The following PKP4 variants were observed in gnomAD, a reference collection of about 807,000 sequenced individuals.
PKP4 encodes plakophilin-4.
Under a neutral mutation model 145.1 loss-of-function variants are expected in PKP4, and 90 were observed. The ratio of observed to expected loss-of-function variants is 0.62; its 90% CI spans 0.52 to 0.74. The LOEUF (loss-of-function observed/expected upper bound fraction) is 0.74, where lower values mean the gene tolerates loss of function less well. PKP4 is among the 30% of genes least tolerant of loss of function. The pLI, the probability that PKP4 is intolerant of heterozygous loss-of-function variation, is 0.00. For missense variants in PKP4, 1,340 were observed against 1,482.7 expected, an observed-to-expected ratio of 0.90 and a Z score of 1.58; for synonymous variants, 563 against 577.2, an observed-to-expected ratio of 0.98 and a Z score of 0.35.
At chr2:158,660,504 G>A (rs1311316437) in intron 12 of PKP4, 1 of 152,620 alleles carries the variant, frequency 6.6e-6, no homozygotes, top group African/African-American at 2.4e-5. Context: ...GCTGCGGAGA[G>A]GCAGGGCAGA....
chr2:158,640,589 T>C, intron 9 of PKP4, 38 bp from the exon 10 acceptor site: 1 of 1,608,500 alleles, frequency 6.2e-7, no homozygotes, highest in Non-Finnish European at 8.5e-7. Context: ...TTTTACAACA[T>C]GGGCCTTCCT....
chr2:158,501,457 A>G (rs774465770), intron 1 of PKP4, among the ~76,000 whole-genome samples: 4 of 152,184 alleles, frequency 2.6e-5, no homozygotes, highest in Non-Finnish European at 4.4e-5. Flanking sequence ...GCTTTTGTGC[A>G]TCTTCACAGA....
At chr2:158,634,351 A>G in intron 9 of PKP4, 62 bp downstream of exon 9, 1 of 1,366,574 alleles carries the variant, frequency 7.3e-7, no homozygotes, top group Non-Finnish European at 1.0e-6. Context: ...CAGTTCCTCC[A>G]TTTTGACTTT....
At chr2:158,589,561 C>T (rs750714796) in intron 3 of PKP4, among the ~76,000 whole-genome samples, 2 of 152,112 alleles carry the variant, frequency 1.3e-5, no homozygotes, top group Non-Finnish European at 2.9e-5. Context: ...TATTTCTATT[C>T]CTGGTCTTTC....
At chr2:158,554,898 A>C (rs532506470) in intron 2 of PKP4, among the ~76,000 whole-genome samples, 1 of 152,358 alleles carries the variant, frequency 6.6e-6, no homozygotes, top group South Asian at 2.1e-4. Flanking sequence ...GATGTTAGGT[A>C]GCAAGAACAG....
At chr2:158,601,175 A>G (rs2050193064) in intron 3 of PKP4, among the ~76,000 whole-genome samples, 2 of 152,188 alleles carry the variant, frequency 1.3e-5, no homozygotes, top group African/African-American at 4.8e-5. Context: ...CCCTTGCCCC[A>G]TTTGAGCAAT....
At chr2:158,667,935 G>T (rs1368606791) in intron 16 of PKP4, among the ~76,000 whole-genome samples, 3 of 152,124 alleles carry the variant, frequency 2.0e-5, no homozygotes, top group African/African-American at 4.8e-5. Context: ...TATAATTTGG[G>T]CATTTTTAAT....
At chr2:158,629,604 T>C (rs1168749699) in intron 7 of PKP4, among the ~76,000 whole-genome samples, 1 of 152,240 alleles carries the variant, frequency 6.6e-6, no homozygotes, top group Non-Finnish European at 1.5e-5. Context: ...GCTTTATGCA[T>C]GTGTTAACTT....
At chr2:158,662,643 C>T (rs147122874) in intron 13 of PKP4, 18 of 318,114 alleles carry the variant, frequency 5.7e-5, no homozygotes, top group African/African-American at 2.7e-4. Context: ...AACACTGGGC[C>T]GGAGCCTCAA....
At chr2:158,492,142 A>G (rs558381813) in intron 1 of PKP4, among the ~76,000 whole-genome samples, 4 of 151,742 alleles carry the variant, frequency 2.6e-5, no homozygotes, top group East Asian at 1.9e-4. Flanking sequence ...ACTTTATACA[A>G]TTTGGCTCTC....
At chr2:158,623,108 A>G (rs921159700) in intron 6 of PKP4, among the ~76,000 whole-genome samples, 2 of 152,120 alleles carry the variant, frequency 1.3e-5, no homozygotes, top group Non-Finnish European at 2.9e-5. Context: ...TGGTAGTTGC[A>G]AGTCATGTGG....
At chr2:158,566,610 T>G (rs10804397) in intron 2 of PKP4, among the ~76,000 whole-genome samples, 137,598 of 151,894 alleles carry the variant, frequency 0.91, 62,444 homozygotes, top group East Asian at 0.97. Flanking sequence ...CCATGTTTTT[T>G]ATATTAATTC....
At chr2:158,546,806 G>A (rs1192053133) in intron 2 of PKP4, among the ~76,000 whole-genome samples, 3 of 152,136 alleles carry the variant, frequency 2.0e-5, no homozygotes, top group African/African-American at 4.8e-5. Context: ...TCAAAGTTGA[G>A]AGAAGAAAAG....
chr2:158,536,680 A>G (rs2044074312), intron 2 of PKP4, among the ~76,000 whole-genome samples: 1 of 152,206 alleles, frequency 6.6e-6, no homozygotes, highest in African/African-American at 2.4e-5. Context: ...GTTCTTTGGC[A>G]TAATGCTAGA....
At chr2:158,666,924 C>T (rs1415391580) in intron 16 of PKP4, among the ~76,000 whole-genome samples, 2 of 152,250 alleles carry the variant, frequency 1.3e-5, no homozygotes, top group South Asian at 2.1e-4. Context: ...GCTAATTCAC[C>T]AACACTACCA....
chr2:158,669,994 C>G, intron 17 of PKP4, 79 bp downstream of exon 17: 5 of 1,117,530 alleles, frequency 4.5e-6, no homozygotes, highest in Non-Finnish European at 6.3e-6. Flanking sequence ...TTGAGGATAC[C>G]TTTCCTATTG....
intron 2 of PKP4, among the ~76,000 whole-genome samples, chr2:158,564,458 A>G (rs772713022): frequency 9.9e-5 from 15 of 152,174 alleles, no homozygotes; most frequent in Non-Finnish European, 2.1e-4. Context: ...TGATGCTGCA[A>G]TTACTGTTTA....
At chr2:158,538,890 A>C (rs2044290777) in intron 2 of PKP4, among the ~76,000 whole-genome samples, 1 of 152,162 alleles carries the variant, frequency 6.6e-6, no homozygotes, top group African/African-American at 2.4e-5. Flanking sequence ...GAAGCTTAGA[A>C]TCTAGATTTA....
chr2:158,477,729 A>C (rs1213041408), intron 1 of PKP4, among the ~76,000 whole-genome samples: 1 of 152,194 alleles, frequency 6.6e-6, no homozygotes, highest in African/African-American at 2.4e-5. Flanking sequence ...CCTGTAATCA[A>C]CGCTACTTGG....
Sources: gnomAD v4.1 joint callset for allele counts (sites outside exome capture counted in the v4.1 genomes callset) on GRCh38, gnomAD v4.1.1 for gene constraint, MANE v1.5 for transcripts, NCBI Gene and HGNC (gene_info 2026-07-23, HGNC 2026-07-21) for gene names.